OPCML: variants seen among roughly 807,000 people sequenced by gnomAD.
OPCML encodes opioid-binding protein/cell adhesion molecule.
In OPCML, 13 loss-of-function variants were observed where a neutral mutation model predicts 37.8. That is an observed-to-expected ratio of 0.34 (90% CI 0.22 to 0.55). The LOEUF is 0.55. Ranked by LOEUF, OPCML falls within the 20% of genes least tolerant of loss-of-function variation. The pLI is 0.91. For missense variants in OPCML, 341 were observed against 435.6 expected (o/e 0.78, Z 1.93); for synonymous variants, 176 against 168.8 (o/e 1.04, Z -0.33).
intron 2 of OPCML, among the ~76,000 whole-genome samples, chr11:132,814,936 C>T (rs1331536510): frequency 6.6e-6 from 1 of 152,106 alleles, no homozygotes; most frequent in Non-Finnish European, 1.5e-5. Flanking sequence ...GTGTTCTGAT[C>T]TCAGTGGAAT....
intron 2 of OPCML, among the ~76,000 whole-genome samples, chr11:132,763,851 C>G (rs1009765870): frequency 2.0e-5 from 3 of 152,208 alleles, no homozygotes; most frequent in African/African-American, 7.2e-5. Context: ...ATGCCTTCCC[C>G]GCTTTCATTC....
intron 4 of OPCML, among the ~76,000 whole-genome samples, chr11:132,526,308 A>T (rs556648074): frequency 6.6e-6 from 1 of 152,288 alleles, no homozygotes; most frequent in South Asian, 2.1e-4. Context: ...TAAAAGTTAG[A>T]CATAGTTTTG....
At chr11:132,576,392 T>C (rs548097925) in intron 3 of OPCML, among the ~76,000 whole-genome samples, 1 of 152,182 alleles carries the variant, frequency 6.6e-6, no homozygotes, top group Non-Finnish European at 1.5e-5. Flanking sequence ...AATCCTTTTT[T>C]TTTTCTGCTT....
intron 2 of OPCML, among the ~76,000 whole-genome samples, chr11:132,929,424 A>G (rs1945115596): frequency 6.6e-6 from 1 of 152,138 alleles, no homozygotes; most frequent in South Asian, 2.1e-4. Flanking sequence ...CCTCCCAAAA[A>G]AGAAAAGCCC....
chr11:133,463,688 C>T (rs113220434), intron 1 of OPCML, among the ~76,000 whole-genome samples: 87 of 152,094 alleles, frequency 5.7e-4, no homozygotes, highest in African/African-American at 1.9e-3. Flanking sequence ...TCAGCTATAC[C>T]GACACCTGGA....
At chr11:132,848,836 C>CT (rs898388728) in intron 2 of OPCML, among the ~76,000 whole-genome samples, 2 of 152,186 alleles carry the variant, frequency 1.3e-5, no homozygotes, top group Non-Finnish European at 2.9e-5. Flanking sequence ...AACAATGACA[C>CT]TTTTTCCTTT....
At chr11:133,359,065 G>C (rs1321448808) in intron 1 of OPCML, among the ~76,000 whole-genome samples, 1 of 152,146 alleles carries the variant, frequency 6.6e-6, no homozygotes. Flanking sequence ...AGCCATCAGA[G>C]GAATTTGAAA....
chr11:132,442,042 C>T (rs1026671207), intron 4 of OPCML, among the ~76,000 whole-genome samples: 2 of 152,188 alleles, frequency 1.3e-5, no homozygotes, highest in Non-Finnish European at 1.5e-5. Context: ...GACCTCACTG[C>T]ACTTATTCTG....
intron 2 of OPCML, among the ~76,000 whole-genome samples, chr11:132,677,012 C>A (rs1269325073): frequency 6.6e-6 from 1 of 151,548 alleles, no homozygotes; most frequent in Non-Finnish European, 1.5e-5. Flanking sequence ...AATAAATGAC[C>A]AAAAAATCCT....
chr11:133,484,913 TAAAAAG>T (rs1230918320), intron 1 of OPCML, among the ~76,000 whole-genome samples: 9 of 151,734 alleles, frequency 5.9e-5, no homozygotes, highest in Non-Finnish European at 7.4e-5. Flanking sequence ...AAAAAGAAAG[TAAAAAG>T]AAAAATAGGA....
chr11:133,442,674 A>G (rs1231129413), intron 1 of OPCML, among the ~76,000 whole-genome samples: 1 of 152,034 alleles, frequency 6.6e-6, no homozygotes, highest in Non-Finnish European at 1.5e-5. Context: ...GTTGCAAAAC[A>G]TAGTGACCTA....
intron 1 of OPCML, among the ~76,000 whole-genome samples, chr11:133,531,169 A>G (rs553311630): frequency 2.4e-4 from 36 of 152,366 alleles, no homozygotes; most frequent in Admixed American, 9.1e-4. Context: ...CTTGGCAAGC[A>G]TAACCTAGCC....
At chr11:133,221,747 G>C (rs1158294122) in intron 1 of OPCML, among the ~76,000 whole-genome samples, 1 of 152,084 alleles carries the variant, frequency 6.6e-6, no homozygotes, top group African/African-American at 2.4e-5. Context: ...TGTACAGAAG[G>C]CTATTTTTAC....
chr11:133,289,503 G>C (rs1010914691), intron 1 of OPCML, among the ~76,000 whole-genome samples: 3 of 148,918 alleles, frequency 2.0e-5, no homozygotes, highest in African/African-American at 7.5e-5. Flanking sequence ...GCTGAGGCAG[G>C]AGAATGGCGT....
chr11:132,568,886 T>A (rs1270930551), intron 3 of OPCML, among the ~76,000 whole-genome samples: 1 of 152,242 alleles, frequency 6.6e-6, no homozygotes, highest in African/African-American at 2.4e-5. Context: ...AATCATGGAT[T>A]TTAATTCATA....
intron 1 of OPCML, among the ~76,000 whole-genome samples, chr11:133,108,596 GAC>G (rs35897644): frequency 2.6e-5 from 4 of 151,184 alleles, no homozygotes; most frequent in Non-Finnish European, 3.0e-5. Flanking sequence ...CACACGCACA[GAC>G]ACACACACAC....
chr11:132,830,111 A>G (rs1565894589), intron 2 of OPCML, among the ~76,000 whole-genome samples: 1 of 151,988 alleles, frequency 6.6e-6, no homozygotes, highest in African/African-American at 2.4e-5. Context: ...AATCTGTATT[A>G]TTTTCATGTG....
chr11:132,479,073 A>G (rs2096168046), intron 4 of OPCML, among the ~76,000 whole-genome samples: 1 of 152,204 alleles, frequency 6.6e-6, no homozygotes. Context: ...TACAGCTCCC[A>G]GCCTGAGTGA....
At chr11:133,260,333 G>A (rs1941451756) in intron 1 of OPCML, among the ~76,000 whole-genome samples, 1 of 152,026 alleles carries the variant, frequency 6.6e-6, no homozygotes, top group African/African-American at 2.4e-5. Context: ...GAGATGACAT[G>A]GTGTACATTT....
Sources: gnomAD v4.1 joint callset for allele counts (sites outside exome capture counted in the v4.1 genomes callset) on GRCh38, gnomAD v4.1.1 for gene constraint, MANE v1.5 for transcripts, NCBI Gene and HGNC (gene_info 2026-07-23, HGNC 2026-07-21) for gene names.